The following PCDHGA1 variants were observed in gnomAD, a reference collection of about 807,000 sequenced individuals.
PCDHGA1 encodes the protein protocadherin gamma subfamily A, 1, also known as protocadherin gamma-A1.
PCDHGA1 carries 32 observed loss-of-function variants against 58.0 expected under a neutral mutation model. That is an observed-to-expected ratio of 0.55 (90% CI 0.42 to 0.74). The LOEUF is 0.74. Among genes scored for constraint, PCDHGA1 ranks in the 30% least tolerant of loss-of-function variants. The pLI is 0.00. For missense variants in PCDHGA1, 1,205 were observed against 1,182.3 expected, an observed-to-expected ratio of 1.02 and a Z score of -0.28; for synonymous variants, 498 against 501.1, an observed-to-expected ratio of 0.99 and a Z score of 0.08.
intron 1 of PCDHGA1, among the ~76,000 whole-genome samples, chr5:141,482,782 G>T (rs775083331): frequency 1.6e-4 from 25 of 152,154 alleles, no homozygotes; most frequent in Non-Finnish European, 3.2e-4. Context: ...ACCTTAAACT[G>T]TGTGTGTGGC....
chr5:141,389,530 T>C (rs963241883), intron 1 of PCDHGA1: 1 of 1,613,208 alleles, frequency 6.2e-7, no homozygotes, highest in African/African-American at 1.3e-5. Context: ...CTGCGCGTGT[T>C]AGTGGACGAC....
chr5:141,469,436 G>A (rs556417221), intron 1 of PCDHGA1, among the ~76,000 whole-genome samples: 11 of 152,118 alleles, frequency 7.2e-5, no homozygotes, highest in East Asian at 1.9e-4. Flanking sequence ...TTAGCTGGGC[G>A]TGGTGGTGCA....
chr5:141,344,530 C>G (rs1241376856), intron 1 of PCDHGA1: 2 of 1,613,890 alleles, frequency 1.2e-6, no homozygotes, highest in East Asian at 2.2e-5. Flanking sequence ...GGCATTAACT[C>G]CCTGCAGAAC....
In PCDHGA1 at chr5:141,410,925, C is replaced by T. The variant is rs576126485; in HGVS notation, c.2421+77820C>T. The T allele has an allele frequency of 2.3e-5, 5 of 217,506 alleles. No individual in the cohort carries two copies. The East Asian group carries it at 5.8e-4, about 25-fold the overall frequency. 13.5% of individuals were successfully genotyped at this position (217,506 alleles called of 1,614,324 possible). Reference sequence around the variant, plus strand: ...CTGGAGTGCAGTGGCGTGATCTCTGCTCACTGCAACCTCCGCCTTCTGGGT... The same window carrying T: ...CTGGAGTGCAGTGGCGTGATCTCTGTTCACTGCAACCTCCGCCTTCTGGGT... On this transcript the variant is annotated intron_variant, in intron 1 of 3. Coordinates refer to ENST00000517417, the MANE Select transcript of PCDHGA1 (RefSeq NM_018912.3).
chr5:141,411,969 T>G (rs2095526864), intron 1 of PCDHGA1: 1 of 152,258 alleles, frequency 6.6e-6, no homozygotes, highest in Non-Finnish European at 1.5e-5. Context: ...ATAAAATCTT[T>G]GAAGAGTTCT....
intron 1 of PCDHGA1, among the ~76,000 whole-genome samples, chr5:141,470,181 A>G (rs974401154): frequency 3.9e-5 from 6 of 152,236 alleles, no homozygotes; most frequent in African/African-American, 9.6e-5. Flanking sequence ...AAAATATTCA[A>G]GTAAACTTCA....
At chr5:141,462,990 A>G (rs181384059) in intron 1 of PCDHGA1, among the ~76,000 whole-genome samples, 1 of 152,126 alleles carries the variant, frequency 6.6e-6, no homozygotes, top group Non-Finnish European at 1.5e-5. Flanking sequence ...GCCTTGGGCT[A>G]ATTTAGACCT....
chr5:141,397,625 G>A (rs558654986), intron 1 of PCDHGA1, among the ~76,000 whole-genome samples: 2 of 152,338 alleles, frequency 1.3e-5, no homozygotes, highest in South Asian at 4.1e-4. Flanking sequence ...CTTAGTTCTA[G>A]CTAAGAGTTC....
chr5:141,351,066 G>A (rs930490756), intron 1 of PCDHGA1: 1 of 1,614,050 alleles, frequency 6.2e-7, no homozygotes, highest in Non-Finnish European at 8.5e-7. Flanking sequence ...CAGGATGAGG[G>A]CATTAATGCA....
intron 2 of PCDHGA1, among the ~76,000 whole-genome samples, chr5:141,499,780 G>A (rs776654854): frequency 1.4e-5 from 2 of 145,766 alleles, no homozygotes; most frequent in Non-Finnish European, 3.0e-5. Flanking sequence ...TTCGCCTCCC[G>A]GGTTCAAGCA....
intron 1 of PCDHGA1, chr5:141,340,213 G>GT (rs778875591): frequency 9.3e-6 from 15 of 1,614,098 alleles, no homozygotes; most frequent in African/African-American, 1.3e-5. Flanking sequence ...ACAGGGAACA[G>GT]TTTTCCTTTT....
At position 141,431,110 on chromosome 5, in the gene PCDHGA1, T is replaced by G; in HGVS notation, c.2422-63697T>G. 1.2e-6 allele frequency: 2 copies of G among 1,614,168 alleles called. No individual in the cohort carries two copies. The highest frequency in any genetic ancestry group is 1.7e-6 in the Non-Finnish European group (2 of 1,180,012). On this transcript the variant is annotated intron_variant, in intron 1 of 3. Transcript: ENST00000517417. This position sits in a 1 kb window ranked among gnomAD's most constrained non-coding sequence, Gnocchi z 4.8. Reference sequence around the variant, plus strand: ...TGATGGAGGATAAAGTGAAAATATATGGAGTAGAAGTAGAAGTAAGGGACA... The same window carrying G: ...TGATGGAGGATAAAGTGAAAATATAGGGAGTAGAAGTAGAAGTAAGGGACA...
chr5:141,420,405 T>C (rs1188012975), intron 1 of PCDHGA1: 7 of 1,241,232 alleles, frequency 5.6e-6, no homozygotes, highest in East Asian at 5.7e-5. Flanking sequence ...AAATTTATGG[T>C]TATCATTATT....
chr5:141,354,144 A>T (rs1198413600), intron 1 of PCDHGA1, among the ~76,000 whole-genome samples: 1 of 152,216 alleles, frequency 6.6e-6, no homozygotes, highest in Non-Finnish European at 1.5e-5. Context: ...ATAATACTGA[A>T]TGTGTCATGT....
chr5:141,331,893 T>G lies in PCDHGA1; in HGVS notation c.1209T>G (p.Arg403=), dbSNP rs756349455. 8 of 1,614,042 alleles carry G rather than the reference T, an allele frequency of 5.0e-6. No individual in the cohort carries two copies. The Admixed American group carries it at 1.3e-4, about 27-fold the overall frequency. ...AAAAGTTAGTTGATAATTATTACCG[T>G]TTAGTGACTGAAAGAACACTGGACA... ...KLEKLVDNYY[R]LVTERTLDRE... The change falls in exon 1 of 4, where the codon CGT becomes CGG. Residue 403 remains arginine, a synonymous_variant. Transcript: ENST00000517417.
chr5:141,336,015 T>A (rs1467937272), intron 1 of PCDHGA1, among the ~76,000 whole-genome samples: 1 of 152,194 alleles, frequency 6.6e-6, no homozygotes, highest in African/African-American at 2.4e-5. Context: ...TTATTTAAAA[T>A]ACATGAATTT....
At chr5:141,430,907 A>G (rs776543955) in intron 1 of PCDHGA1, 1 of 1,606,916 alleles carries the variant, frequency 6.2e-7, no homozygotes, top group Non-Finnish European at 8.5e-7. Flanking sequence ...CGACATCTCC[A>G]GGGACCTGGG....
intron 1 of PCDHGA1, chr5:141,351,783 G>T (rs1758821393): frequency 1.2e-6 from 2 of 1,613,334 alleles, no homozygotes; most frequent in Admixed American, 1.7e-5. Context: ...CCGCAGAGCG[G>T]GGTGGTGTTC....
At chr5:141,500,546 G>A (rs1428503967) in intron 2 of PCDHGA1, among the ~76,000 whole-genome samples, 1 of 152,126 alleles carries the variant, frequency 6.6e-6, no homozygotes, top group African/African-American at 2.4e-5. Context: ...ACCTAAATAA[G>A]TTGTTCACAA....
Sources: gnomAD v4.1 joint callset for allele counts (sites outside exome capture counted in the v4.1 genomes callset) on GRCh38, gnomAD v4.1.1 for gene constraint, Gnocchi (gnomAD v3.1) non-coding constraint, MANE v1.5 for transcripts, NCBI Gene and HGNC (gene_info 2026-07-23, HGNC 2026-07-21) for gene names.